TPTE: variants seen among roughly 807,000 people sequenced by gnomAD.
The protein encoded by TPTE is transmembrane phosphatase with tensin homology.
A neutral mutation model predicts 84.1 loss-of-function variants in TPTE; 59 were observed. The observed-to-expected ratio is 0.70, with a 90% CI of 0.57 to 0.87. The LOEUF (loss-of-function observed/expected upper bound fraction) is 0.87. Ranked by LOEUF, TPTE falls within the 40% of genes least tolerant of loss-of-function variation. The pLI is 0.00. For missense variants in TPTE, 382 were observed against 659.6 expected (o/e 0.58, Z 4.61); for synonymous variants, 130 against 223.5 (o/e 0.58, Z 3.73).
At chr21:10,547,119 G>T (rs533085230) in intron 7 of TPTE, among the ~76,000 whole-genome samples, 1 of 152,428 alleles carries the variant, frequency 6.6e-6, no homozygotes, top group South Asian at 2.1e-4. Flanking sequence ...ACTTTAAGTT[G>T]AAGCCAACAA....
intron 3 of TPTE, among the ~76,000 whole-genome samples, chr21:10,534,794 G>C (rs1600859882): frequency 6.6e-6 from 1 of 152,306 alleles, no homozygotes; most frequent in Non-Finnish European, 1.5e-5. Context: ...TTTGGGTCTA[G>C]TTGGATACAA....
intron 17 of TPTE, among the ~76,000 whole-genome samples, chr21:10,585,054 A>T (rs2075338187): frequency 1.3e-5 from 2 of 152,422 alleles, no homozygotes; most frequent in Middle Eastern, 6.8e-3. Flanking sequence ...CAACATGGTG[A>T]AACCCTGTCT....
chr21:10,532,490 G>A (rs557537565), intron 3 of TPTE, among the ~76,000 whole-genome samples: 40 of 152,396 alleles, frequency 2.6e-4, no homozygotes, highest in African/African-American at 8.9e-4. Flanking sequence ...TTCTTCTCCA[G>A]TTCAGTGACT....
chr21:10,533,592 A>G (rs940089477), intron 3 of TPTE, among the ~76,000 whole-genome samples: 1 of 152,312 alleles, frequency 6.6e-6, no homozygotes, highest in African/African-American at 2.4e-5. Context: ...TTCTTGCAAC[A>G]TAATTATTAA....
At chr21:10,553,186 T>A (rs1321323764) in intron 8 of TPTE, among the ~76,000 whole-genome samples, 1 of 152,304 alleles carries the variant, frequency 6.6e-6, no homozygotes. Context: ...GTTTCTAATC[T>A]CACTAGAGTA....
At chr21:10,592,826 G>A (rs1481890337) in intron 19 of TPTE, among the ~76,000 whole-genome samples, 1 of 152,288 alleles carries the variant, frequency 6.6e-6, no homozygotes, top group Non-Finnish European at 1.5e-5. Flanking sequence ...GTGTGTGTGT[G>A]TGTGTGTCTT....
chr21:10,529,808 T>C (rs469956), intron 3 of TPTE, among the ~76,000 whole-genome samples: 31,560 of 144,424 alleles, frequency 0.22, 64 homozygotes, highest in African/African-American at 0.47. Flanking sequence ...TTAAAACTAT[T>C]TTCAATGTTC....
Position 10,538,679 on chromosome 21 carries a change from A to C in TPTE, c.-43-2A>C. 1.9e-6 allele frequency: 3 copies of C among 1,614,064 alleles called. No homozygotes were observed. The Admixed American group carries it at 5.0e-5, about 27-fold the overall frequency. On this transcript the variant is annotated splice_acceptor_variant, in intron 3 of 23. Transcript: ENST00000618007. LOFTEE classifies it low-confidence loss of function (5UTR_SPLICE). ...TGACTATATTCTTTTGACATCCTCT[A>C]GTCCACCCACAAATGAATTATCAGG...
intron 23 of TPTE, among the ~76,000 whole-genome samples, chr21:10,604,888 G>A (rs1178033883): frequency 6.6e-6 from 1 of 152,300 alleles, no homozygotes; most frequent in Non-Finnish European, 1.5e-5. Context: ...TTATGAGATT[G>A]TTGTTTAGCT....
intron 17 of TPTE, among the ~76,000 whole-genome samples, chr21:10,584,337 CTTTTTTTTTT>C (rs58211728): frequency 4.2e-5 from 6 of 143,786 alleles, no homozygotes; most frequent in Middle Eastern, 3.4e-3. Flanking sequence ...CCTAAACTCA[CTTTTTTTTTT>C]TTTTTTTTTG....
intron 3 of TPTE, among the ~76,000 whole-genome samples, chr21:10,533,836 A>G (rs1370084916): frequency 1.3e-5 from 2 of 152,310 alleles, no homozygotes; most frequent in African/African-American, 4.8e-5. Context: ...TAATAGTGCA[A>G]GAATGATTCG....
At chr21:10,592,885 A>G (rs2075510748) in intron 19 of TPTE, among the ~76,000 whole-genome samples, 1 of 152,422 alleles carries the variant, frequency 6.6e-6, no homozygotes, top group African/African-American at 2.4e-5. Context: ...AATAAAAGGG[A>G]AAATAAACTT....
chr21:10,567,125 A>T (rs1400949850), intron 10 of TPTE, among the ~76,000 whole-genome samples: 4 of 150,738 alleles, frequency 2.7e-5, no homozygotes, highest in African/African-American at 9.8e-5. Flanking sequence ...AAAAAAAAAA[A>T]TTGAACTCAT....
chr21:10,597,906 T>C (rs2075618760), intron 20 of TPTE, 109 bp from the exon 21 acceptor site: 2 of 1,419,186 alleles, frequency 1.4e-6, no homozygotes, highest in Admixed American at 2.1e-5. Flanking sequence ...ATTGATACAT[T>C]GTTAGCTTGG....
At chr21:10,594,658 C>T (rs1426761048) in intron 19 of TPTE, among the ~76,000 whole-genome samples, 2 of 152,304 alleles carry the variant, frequency 1.3e-5, no homozygotes, top group Non-Finnish European at 2.9e-5. Flanking sequence ...TCTCCCCACA[C>T]ATCTCCCCAT....
At chr21:10,587,161 T>G (rs2075381356) in intron 17 of TPTE, among the ~76,000 whole-genome samples, 1 of 152,304 alleles carries the variant, frequency 6.6e-6, no homozygotes, top group South Asian at 2.1e-4. Flanking sequence ...TTCTTGCATT[T>G]GTTATTATTT....
intron 2 of TPTE, among the ~76,000 whole-genome samples, 179 bp from the exon 3 acceptor site, chr21:10,527,176 C>CACACACAG (rs1257922424): frequency 3.3e-5 from 5 of 152,060 alleles, no homozygotes; most frequent in African/African-American, 1.2e-4. Context: ...CACACAGACA[C>CACACACAG]ACACACACAC....
intron 20 of TPTE, among the ~76,000 whole-genome samples, chr21:10,597,427 T>C (rs1261929241): frequency 4.6e-5 from 7 of 152,268 alleles, no homozygotes; most frequent in African/African-American, 1.7e-4. Context: ...TTTTTTTTTT[T>C]TTTTGGAGAC....
intron 1 of TPTE, among the ~76,000 whole-genome samples, chr21:10,523,446 C>T (rs1430713856): frequency 6.1e-4 from 81 of 132,178 alleles, no homozygotes; most frequent in Admixed American, 5.0e-3. Flanking sequence ...GCTATCCCTC[C>T]CCCCTCCCCC....
Sources: gnomAD v4.1 joint callset for allele counts (sites outside exome capture counted in the v4.1 genomes callset) on GRCh38, gnomAD v4.1.1 for gene constraint, MANE v1.5 for transcripts, NCBI Gene and HGNC (gene_info 2026-07-23, HGNC 2026-07-21) for gene names.